XKR9: variants seen among roughly 807,000 people sequenced by gnomAD.
XKR9 encodes XK related 9.
A neutral mutation model predicts 32.0 loss-of-function variants in XKR9; 32 were observed. The ratio of observed to expected loss-of-function variants is 1.00; its 90% confidence interval spans 0.76 to 1.34. XKR9 has a LOEUF of 1.34. XKR9 is among the 40% of genes most tolerant of loss of function. The pLI, the probability that XKR9 is intolerant of heterozygous loss-of-function variation, is 0.00. For missense variants in XKR9, 546 were observed against 429.7 expected (o/e 1.27, Z -2.39); for synonymous variants, 168 against 143.4 (o/e 1.17, Z -1.22).
At chr8:70,885,692 G>A in the XKR9 span, among the ~76,000 whole-genome samples, 1 of 152,034 alleles carries the variant, frequency 6.6e-6, no homozygotes, top group Admixed American at 6.6e-5. Context: ...CGCCTCCCGG[G>A]ATCACGCCAT....
chr8:70,924,971 T>C, the XKR9 span, among the ~76,000 whole-genome samples: 1 of 133,464 alleles, frequency 7.5e-6, no homozygotes, highest in Admixed American at 7.3e-5. Flanking sequence ...TTAATGTTAA[T>C]TTTTTTTGCC....
chr8:70,779,469 A>G (rs1428976785), intron 2 of XKR9, among the ~76,000 whole-genome samples: 1 of 152,176 alleles, frequency 6.6e-6, no homozygotes, highest in Admixed American at 6.6e-5. Context: ...CTGGCCTCAT[A>G]AAATGAGGTA....
chr8:70,697,382 T>C (rs1161945429), intron 3 of XKR9, among the ~76,000 whole-genome samples: 1 of 151,824 alleles, frequency 6.6e-6, no homozygotes, highest in African/African-American at 2.4e-5. Flanking sequence ...TATTGAGAGT[T>C]TTTAGCATGA....
chr8:70,797,852 G>A, the XKR9 span, among the ~76,000 whole-genome samples: 1 of 152,142 alleles, frequency 6.6e-6, no homozygotes, highest in Non-Finnish European at 1.5e-5. Flanking sequence ...ATGATGTCCG[G>A]CTGTATCCAT....
At chr8:70,867,320 G>A in the XKR9 span, among the ~76,000 whole-genome samples, 8 of 152,094 alleles carry the variant, frequency 5.3e-5, no homozygotes, top group South Asian at 2.1e-4. Flanking sequence ...CACAATATAC[G>A]GGAATTCAAG....
chr8:70,900,265 C>A, the XKR9 span, among the ~76,000 whole-genome samples: 2 of 151,964 alleles, frequency 1.3e-5, no homozygotes, highest in East Asian at 1.9e-4. Flanking sequence ...CATTCTTTAC[C>A]CCTGGCAGCC....
chr8:70,998,352 T>C, the XKR9 span, among the ~76,000 whole-genome samples: 2 of 152,218 alleles, frequency 1.3e-5, no homozygotes, highest in African/African-American at 4.8e-5. Context: ...GTGCTTCCTC[T>C]ACTGAGTGAT....
the XKR9 span, among the ~76,000 whole-genome samples, chr8:70,913,421 C>T: frequency 6.6e-6 from 1 of 152,048 alleles, no homozygotes; most frequent in Non-Finnish European, 1.5e-5. Flanking sequence ...AAGCATTATG[C>T]TTCTGATATA....
At chr8:70,684,324 T>C (rs1329214649) in intron 3 of XKR9, among the ~76,000 whole-genome samples, 2 of 152,194 alleles carry the variant, frequency 1.3e-5, no homozygotes, top group Non-Finnish European at 2.9e-5. Flanking sequence ...AACATAACTA[T>C]TAAATGTTAG....
At position 70,748,038 on chromosome 8, in the gene XKR9, ATGT is replaced by A. The variant is rs1424961289; in HGVS notation, n.352+40890_352+40892del. On this transcript the variant is annotated intron_variant and non_coding_transcript_variant, in intron 2 of 3. Transcript: ENST00000520273. ...ATAGTATTTTTTGAACTTGATTTTG[ATGT>A]TGTTATTATATCTTTGTAAAATTAC... 7.9e-5 allele frequency among the ~76,000 whole-genome samples: 12 copies of A among 152,302 alleles called. No homozygotes were observed. In the South Asian group the frequency reaches 1.2e-3, roughly 16 times the overall value.
chr8:70,766,809 G>A (rs1266640119), intron 2 of XKR9, among the ~76,000 whole-genome samples: 1 of 152,088 alleles, frequency 6.6e-6, no homozygotes, highest in African/African-American at 2.4e-5. Flanking sequence ...AGCATGAAGG[G>A]GTGTTGAAGT....
the XKR9 span, among the ~76,000 whole-genome samples, chr8:70,987,282 T>A: frequency 6.6e-6 from 1 of 152,228 alleles, no homozygotes; most frequent in East Asian, 1.9e-4. Flanking sequence ...AAGTCCACAG[T>A]CCAAAGTTTC....
In XKR9 at chr8:70,681,444, A is replaced by G. The variant is rs181787470; in HGVS notation, c.272+114A>G. ...CAAAGATCCCTTATTTGCATGAAGC[A>G]CAAAGGTTACTTGCTCCTCACTATT... On this transcript the variant is annotated intron_variant, in intron 3 of 4. Coordinates refer to ENST00000408926, the MANE Select transcript of XKR9 (RefSeq NM_001011720.2). 2.9e-3 allele frequency: 3,754 copies of G among 1,287,676 alleles called. 17 individuals carry two copies. Among genetic ancestry groups the G allele is most frequent in the Non-Finnish European group, 3.7e-3 (3,488 of 935,736 alleles). The allele number at this position is 1,287,676 out of a possible 1,614,324, so 79.8% of individuals were successfully genotyped here.
At chr8:70,996,691 T>C in the XKR9 span, among the ~76,000 whole-genome samples, 4 of 152,164 alleles carry the variant, frequency 2.6e-5, no homozygotes, top group Non-Finnish European at 4.4e-5. Flanking sequence ...GTACCCAAAA[T>C]GTGGCCCCTT....
the XKR9 span, among the ~76,000 whole-genome samples, chr8:71,060,249 G>A: frequency 6.6e-6 from 1 of 152,172 alleles, no homozygotes; most frequent in Non-Finnish European, 1.5e-5. Context: ...CCAGAACCTA[G>A]GGAATAATCT....
At chr8:70,955,170 T>G in the XKR9 span, among the ~76,000 whole-genome samples, 1 of 152,160 alleles carries the variant, frequency 6.6e-6, no homozygotes, top group Non-Finnish European at 1.5e-5. Context: ...TTTATGTGCT[T>G]TAAAATGAGG....
chr8:71,002,557 A>G, the XKR9 span, among the ~76,000 whole-genome samples: 7 of 152,126 alleles, frequency 4.6e-5, no homozygotes, highest in Non-Finnish European at 8.8e-5. Flanking sequence ...TCAACAGGCA[A>G]CTTCTGTTTT....
At chr8:70,781,165 AATATTCAGC>A (rs1807610834) in intron 2 of XKR9, among the ~76,000 whole-genome samples, 1 of 152,254 alleles carries the variant, frequency 6.6e-6, no homozygotes, top group African/African-American at 2.4e-5. Flanking sequence ...AGCAACTAAC[AATATTCAGC>A]ATATTCAGCA....
chr8:70,905,501 A>G, the XKR9 span, among the ~76,000 whole-genome samples: 2 of 151,990 alleles, frequency 1.3e-5, no homozygotes, highest in African/African-American at 2.4e-5. Flanking sequence ...TACACTGTTT[A>G]TTCTAGTTAG....
Sources: gnomAD v4.1 joint callset for allele counts (sites outside exome capture counted in the v4.1 genomes callset) on GRCh38, gnomAD v4.1.1 for gene constraint, MANE v1.5 for transcripts, NCBI Gene and HGNC (gene_info 2026-07-23, HGNC 2026-07-21) for gene names.